The following MACROD2 variants were observed in gnomAD, a reference collection of about 807,000 sequenced individuals.
The protein encoded by MACROD2 is mono-ADP ribosylhydrolase 2.
In MACROD2, 36 loss-of-function variants were observed where a neutral mutation model predicts 70.4. The observed-to-expected ratio is 0.51, with a 90% CI of 0.39 to 0.68. MACROD2 has a LOEUF of 0.68. Among genes scored for constraint, MACROD2 ranks in the 30% least tolerant of loss-of-function variants. The probability of loss-of-function intolerance (pLI) is 0.00; values close to 1 mark genes in which losing one functional copy is unlikely to be tolerated. For missense variants in MACROD2, 496 were observed against 538.4 expected, an observed-to-expected ratio of 0.92 and a Z score of 0.78; for synonymous variants, 172 against 178.8, an observed-to-expected ratio of 0.96 and a Z score of 0.30.
chr20:14,826,109 A>T (rs1335525794), intron 5 of MACROD2, among the ~76,000 whole-genome samples: 1 of 152,144 alleles, frequency 6.6e-6, no homozygotes, highest in African/African-American at 2.4e-5. Flanking sequence ...TTTTAAAACC[A>T]GTAAAACACT....
intron 3 of MACROD2, among the ~76,000 whole-genome samples, chr20:14,192,230 T>C (rs897992142): frequency 1.3e-5 from 2 of 152,180 alleles, no homozygotes; most frequent in East Asian, 1.9e-4. Context: ...GTGTATTTTT[T>C]TTTGTTTCTC....
intron 8 of MACROD2, among the ~76,000 whole-genome samples, chr20:15,636,294 G>T (rs890674396): frequency 3.3e-5 from 5 of 152,028 alleles, no homozygotes; most frequent in African/African-American, 1.2e-4. Flanking sequence ...ACACATTCTA[G>T]AAGAACCAGA....
In MACROD2 at chr20:14,326,700, A is replaced by G; in HGVS notation, c.272-166779A>G. On this transcript the variant is annotated intron_variant, in intron 3 of 17. Coordinates refer to ENST00000684519, the MANE Select transcript of MACROD2 (RefSeq NM_001351661.2). The surrounding 1 kb of genome is among the most constrained non-coding windows in gnomAD (Gnocchi z 5.5). ...TATCCAGTCGATAGAGCTGCCTTAG[A>G]TAAGAAAAAGCATTTGGGGGCACCC... The G allele has an allele frequency of 6.2e-7, 1 of 1,613,744 alleles. No individual in the cohort carries two copies. Among genetic ancestry groups the G allele is most frequent in the Non-Finnish European group, 8.5e-7 (1 of 1,179,822 alleles).
chr20:14,870,193 AT>A (rs1305729264), intron 5 of MACROD2, among the ~76,000 whole-genome samples: 1 of 152,068 alleles, frequency 6.6e-6, no homozygotes, highest in Non-Finnish European at 1.5e-5. Flanking sequence ...ATAAGTGAGA[AT>A]ATGTGGTATT....
At chr20:14,131,225 A>C (rs2054714972) in intron 3 of MACROD2, among the ~76,000 whole-genome samples, 1 of 152,260 alleles carries the variant, frequency 6.6e-6, no homozygotes, top group South Asian at 2.1e-4. Context: ...GCAGGGGATA[A>C]AGAGTTGTTT....
chr20:14,250,854 C>G (rs17812610), intron 3 of MACROD2, among the ~76,000 whole-genome samples: 146 of 152,050 alleles, frequency 9.6e-4, no homozygotes, highest in South Asian at 2.9e-3. Flanking sequence ...AAGTATGACT[C>G]TATGAAGTGA....
chr20:14,846,728 A>G (rs924588616), intron 5 of MACROD2, among the ~76,000 whole-genome samples: 7 of 152,086 alleles, frequency 4.6e-5, no homozygotes, highest in East Asian at 1.9e-4. Context: ...CGTGTTAGCC[A>G]GGATGGTCTT....
intron 5 of MACROD2, among the ~76,000 whole-genome samples, chr20:14,745,796 T>C (rs1186710971): frequency 2.0e-5 from 3 of 152,132 alleles, no homozygotes; most frequent in South Asian, 4.1e-4. Context: ...TGTTACCTCA[T>C]TGGGACCCTT....
chr20:15,891,627 G>A (rs1361933085), intron 10 of MACROD2, among the ~76,000 whole-genome samples: 2 of 152,072 alleles, frequency 1.3e-5, no homozygotes, highest in Admixed American at 1.3e-4. Flanking sequence ...GAGCTGATAG[G>A]GCTTATGATA....
chr20:15,528,396 C>T (rs953930961), intron 8 of MACROD2, among the ~76,000 whole-genome samples: 1 of 152,226 alleles, frequency 6.6e-6, no homozygotes, highest in East Asian at 1.9e-4. Flanking sequence ...GCTGGGGTTA[C>T]AGGCATGAGC....
intron 5 of MACROD2, among the ~76,000 whole-genome samples, chr20:14,881,463 C>A (rs954944503): frequency 2.6e-5 from 4 of 151,936 alleles, no homozygotes; most frequent in African/African-American, 4.8e-5. Flanking sequence ...ACGAGACTCA[C>A]TGTTCTTATC....
At chr20:16,049,522 C>T (rs2067429660) in intron 17 of MACROD2, among the ~76,000 whole-genome samples, 1 of 152,106 alleles carries the variant, frequency 6.6e-6, no homozygotes, top group African/African-American at 2.4e-5. Flanking sequence ...AAAAGGGAAG[C>T]CACATCAACT....
At chr20:15,255,543 G>C (rs915707331) in intron 6 of MACROD2, among the ~76,000 whole-genome samples, 14 of 152,108 alleles carry the variant, frequency 9.2e-5, no homozygotes, top group Non-Finnish European at 1.9e-4. Context: ...TTTAAGGTGA[G>C]TCTCACAAGA....
At chr20:14,092,059 A>G (rs1190497646) in intron 3 of MACROD2, among the ~76,000 whole-genome samples, 1 of 152,188 alleles carries the variant, frequency 6.6e-6, no homozygotes, top group Non-Finnish European at 1.5e-5. Context: ...CTTACCAGCA[A>G]TGTGTGATAG....
At chr20:15,580,810 AG>A (rs1046755969) in intron 8 of MACROD2, among the ~76,000 whole-genome samples, 7 of 152,150 alleles carry the variant, frequency 4.6e-5, no homozygotes, top group African/African-American at 1.7e-4. Context: ...CTTAGGGGAA[AG>A]GGGAGGGAGA....
At chr20:15,710,305 T>C (rs1568987466) in intron 8 of MACROD2, among the ~76,000 whole-genome samples, 2 of 151,974 alleles carry the variant, frequency 1.3e-5, no homozygotes, top group Non-Finnish European at 2.9e-5. Context: ...ATATTGAGGT[T>C]CCTCAAAAAA....
intron 5 of MACROD2, among the ~76,000 whole-genome samples, chr20:15,225,078 C>A (rs368116244): frequency 4.9e-4 from 74 of 151,744 alleles, no homozygotes; most frequent in African/African-American, 1.7e-3. Flanking sequence ...TTGATGCTGG[C>A]CATGTAGGAA....
In MACROD2 at chr20:14,326,091, A is replaced by C. The variant is rs1369578854; in HGVS notation, c.272-167388A>C. 2 of 1,613,944 alleles carry C rather than the reference A, an allele frequency of 1.2e-6. No homozygotes were observed. Among genetic ancestry groups the C allele is most frequent in the Middle Eastern group, 3.3e-4 (2 of 6,056 alleles). Reference sequence around the variant, plus strand: ...GAACCATGCATACTTTATAGGGTGAATCAGGCTCCAGGGCTGTGACCAAGT... The same window carrying C: ...GAACCATGCATACTTTATAGGGTGACTCAGGCTCCAGGGCTGTGACCAAGT... On this transcript the variant is annotated intron_variant, in intron 3 of 17. Transcript: ENST00000684519. The surrounding 1 kb of genome is among the most constrained non-coding windows in gnomAD (Gnocchi z 5.5).
intron 6 of MACROD2, among the ~76,000 whole-genome samples, chr20:15,422,560 G>A (rs916121253): frequency 1.3e-5 from 2 of 152,102 alleles, no homozygotes; most frequent in African/African-American, 4.8e-5. Flanking sequence ...TCACAGGCTT[G>A]TTCATGGGAA....
Sources: gnomAD v4.1 joint callset for allele counts (sites outside exome capture counted in the v4.1 genomes callset) on GRCh38, gnomAD v4.1.1 for gene constraint, Gnocchi (gnomAD v3.1) non-coding constraint, MANE v1.5 for transcripts, NCBI Gene and HGNC (gene_info 2026-07-23, HGNC 2026-07-21) for gene names.